The following NPAS3 variants were observed in gnomAD, a reference collection of about 807,000 sequenced individuals.
NPAS3 encodes the protein neuronal PAS domain-containing protein 3.
In NPAS3, 14 loss-of-function variants were observed where a neutral mutation model predicts 73.1. The observed-to-expected ratio is 0.19, with a 90% CI of 0.13 to 0.30. NPAS3 has a LOEUF of 0.30. Among genes scored for constraint, NPAS3 ranks in the 10% least tolerant of loss-of-function variants. The pLI is 1.00. For missense variants in NPAS3, 1,096 were observed against 1,250.0 expected (o/e 0.88, Z 1.86); for synonymous variants, 620 against 541.5 (o/e 1.14, Z -2.01).
chr14:33,313,826 A>G (rs1181541128), intron 3 of NPAS3, among the ~76,000 whole-genome samples: 1 of 152,078 alleles, frequency 6.6e-6, no homozygotes. Context: ...AGCAATCTCT[A>G]TAATCGTGAC....
intron 5 of NPAS3, among the ~76,000 whole-genome samples, chr14:33,610,396 A>G (rs1459600600): frequency 6.6e-6 from 1 of 152,094 alleles, no homozygotes; most frequent in Non-Finnish European, 1.5e-5. Flanking sequence ...CTGGCAAACT[A>G]CCCTGCACAA....
At chr14:33,680,872 G>C (rs2059916358) in intron 6 of NPAS3, 1 of 502,678 alleles carries the variant, frequency 2.0e-6, no homozygotes, top group South Asian at 3.3e-5. Flanking sequence ...ATCATGTTTT[G>C]TCTAAATTTT....
intron 4 of NPAS3, among the ~76,000 whole-genome samples, chr14:33,441,285 T>C (rs933603483): frequency 2.6e-5 from 4 of 152,242 alleles, no homozygotes; most frequent in African/African-American, 9.6e-5. Flanking sequence ...TCACCTTTCC[T>C]AATATAAAAC....
chr14:33,200,832 C>T (rs1227213118), intron 2 of NPAS3, among the ~76,000 whole-genome samples: 3 of 152,170 alleles, frequency 2.0e-5, no homozygotes, highest in Non-Finnish European at 2.9e-5. Context: ...CCACTATTCC[C>T]TGTTACTATT....
intron 5 of NPAS3, among the ~76,000 whole-genome samples, chr14:33,564,623 G>T (rs1261143774): frequency 6.6e-6 from 1 of 152,158 alleles, no homozygotes; most frequent in Non-Finnish European, 1.5e-5. Context: ...CTCACATCCT[G>T]CATTTTCTTC....
At chr14:33,569,938 A>G (rs1406415084) in intron 5 of NPAS3, among the ~76,000 whole-genome samples, 1 of 152,192 alleles carries the variant, frequency 6.6e-6, no homozygotes, top group African/African-American at 2.4e-5. Context: ...CATAAAATGT[A>G]CAGGCTCGCC....
chr14:32,949,461 G>T (rs1324741690), intron 1 of NPAS3, among the ~76,000 whole-genome samples: 2 of 151,924 alleles, frequency 1.3e-5, no homozygotes, highest in Non-Finnish European at 2.9e-5. Flanking sequence ...CAAGCCTCTG[G>T]ACAGATAAAC....
intron 6 of NPAS3, among the ~76,000 whole-genome samples, chr14:33,687,864 C>T (rs1279106306): frequency 6.6e-6 from 1 of 152,186 alleles, no homozygotes; most frequent in African/African-American, 2.4e-5. Flanking sequence ...CCTGTAGCCA[C>T]ATAAACCACC....
intron 2 of NPAS3, among the ~76,000 whole-genome samples, chr14:33,145,364 C>A (rs1185842244): frequency 2.0e-5 from 3 of 152,170 alleles, no homozygotes; most frequent in Non-Finnish European, 4.4e-5. Context: ...TAGAAAGTTA[C>A]AAAATCTGTC....
chr14:33,258,845 G>A (rs138134618), intron 3 of NPAS3, among the ~76,000 whole-genome samples: 1,661 of 152,122 alleles, frequency 0.011, 16 homozygotes, highest in Non-Finnish European at 0.013. Context: ...ATGGAGTCTC[G>A]CTCTGTCACC....
At chr14:33,352,053 A>T (rs1265773777) in intron 3 of NPAS3, among the ~76,000 whole-genome samples, 2 of 151,678 alleles carry the variant, frequency 1.3e-5, no homozygotes, top group Non-Finnish European at 2.9e-5. Context: ...TAAAAAAAAA[A>T]CATCTGCGGT....
intron 4 of NPAS3, among the ~76,000 whole-genome samples, chr14:33,541,607 G>T (rs1196834610): frequency 1.3e-5 from 2 of 152,182 alleles, no homozygotes; most frequent in Non-Finnish European, 2.9e-5. Context: ...ATACTCGTTG[G>T]CTCAGTGGCT....
At chr14:33,579,938 A>AAAG (rs1449150783) in intron 5 of NPAS3, among the ~76,000 whole-genome samples, 1 of 152,222 alleles carries the variant, frequency 6.6e-6, no homozygotes, top group Non-Finnish European at 1.5e-5. Context: ...ATCTCCTTAT[A>AAAG]AAGTTCTTCT....
chr14:33,710,279 C>A (rs1352266117), intron 6 of NPAS3, among the ~76,000 whole-genome samples: 2 of 152,078 alleles, frequency 1.3e-5, no homozygotes, highest in Non-Finnish European at 2.9e-5. Flanking sequence ...TATTTTAGAT[C>A]TAGAATAGAG....
chr14:33,714,353 A>T (rs565367420), intron 6 of NPAS3, among the ~76,000 whole-genome samples: 2 of 152,040 alleles, frequency 1.3e-5, no homozygotes, highest in South Asian at 4.2e-4. Flanking sequence ...GTAACTTCAA[A>T]ACCTAGAACG....
chr14:33,261,897 T>C (rs767957501), intron 3 of NPAS3, among the ~76,000 whole-genome samples: 1 of 152,026 alleles, frequency 6.6e-6, no homozygotes, highest in African/African-American at 2.4e-5. Context: ...TCATGAGGAG[T>C]CTGTGCTTGC....
At chr14:33,465,838 G>T (rs1357590784) in intron 4 of NPAS3, among the ~76,000 whole-genome samples, 7 of 151,798 alleles carry the variant, frequency 4.6e-5, no homozygotes, top group African/African-American at 1.5e-4. Context: ...GGTTTTATTT[G>T]TTCTTAGTTT....
chr14:33,794,394 C>T (rs1237072136), intron 10 of NPAS3, among the ~76,000 whole-genome samples: 2 of 152,156 alleles, frequency 1.3e-5, no homozygotes, highest in Admixed American at 6.5e-5. Context: ...TCCTCTTCCC[C>T]AGCACACACA....
At chr14:33,657,027 T>C (rs2059163390) in intron 5 of NPAS3, among the ~76,000 whole-genome samples, 1 of 152,232 alleles carries the variant, frequency 6.6e-6, no homozygotes, top group Admixed American at 6.5e-5. Flanking sequence ...AGAGGAATAT[T>C]ATTTGCCCTT....
Sources: allele counts gnomAD v4.1 joint callset (sites outside exome capture counted in the v4.1 genomes callset), GRCh38; gene constraint gnomAD v4.1.1; transcripts MANE v1.5; gene names NCBI Gene and HGNC (gene_info 2026-07-23, HGNC 2026-07-21).